TMTC2: variants seen among roughly 807,000 people sequenced by gnomAD.
TMTC2 encodes the protein protein O-mannosyl-transferase TMTC2.
A neutral mutation model predicts 82.4 loss-of-function variants in TMTC2; 43 were observed. The ratio of observed to expected loss-of-function variants is 0.52; its 90% CI spans 0.41 to 0.67. TMTC2 has a LOEUF of 0.67. TMTC2 is among the 30% of genes least tolerant of loss of function. The probability of loss-of-function intolerance (pLI) is 0.00; values close to 1 mark genes in which losing one functional copy is unlikely to be tolerated. For synonymous variants in TMTC2, 408 were observed against 381.9 expected, an observed-to-expected ratio of 1.07 and a Z score of -0.80; for missense variants, 919 against 1,012.4, an observed-to-expected ratio of 0.91 and a Z score of 1.25.
intron 1 of TMTC2, among the ~76,000 whole-genome samples, chr12:82,846,616 T>C (rs902708604): frequency 6.6e-6 from 1 of 152,006 alleles, no homozygotes; most frequent in African/African-American, 2.4e-5. Flanking sequence ...TCGGAAAAAC[T>C]CGTAAAGGGA....
At chr12:82,885,318 T>A (rs2137161907) in intron 2 of TMTC2, among the ~76,000 whole-genome samples, 1 of 152,064 alleles carries the variant, frequency 6.6e-6, no homozygotes, top group East Asian at 1.9e-4. Context: ...GGGAATAAGT[T>A]TTTTTTAATT....
At position 83,052,177 on chromosome 12, in the gene TMTC2, A is replaced by G. The variant is rs899980571; in HGVS notation, c.2267+1159A>G. 1.8e-4 allele frequency among the ~76,000 whole-genome samples: 27 copies of G among 152,122 alleles called. 1 individual carries two copies. The highest frequency in any genetic ancestry group is 6.6e-5 in the Admixed American group (1 of 15,264). On this transcript the variant is annotated intron_variant, in intron 10 of 11. Coordinates refer to ENST00000321196, the MANE Select transcript of TMTC2 (RefSeq NM_152588.3). ...ATAATAACAGAGAAGTTGGTTCACA[A>G]TTGGATGGTGACATCCAATTTTTAA... is the stretch of plus-strand genomic sequence containing the variant.
chr12:82,735,230 CA>C (rs1254247155), intron 1 of TMTC2, among the ~76,000 whole-genome samples: 2 of 151,942 alleles, frequency 1.3e-5, no homozygotes, highest in Non-Finnish European at 2.9e-5. Flanking sequence ...AAAATAAACC[CA>C]ATATCACAAT....
chr12:82,846,099 C>T (rs1239966892), intron 1 of TMTC2, among the ~76,000 whole-genome samples: 2 of 152,074 alleles, frequency 1.3e-5, no homozygotes, highest in East Asian at 1.9e-4. Flanking sequence ...TGGCTCACGC[C>T]TGTAATCCCA....
In TMTC2 at chr12:82,956,170, A is replaced by C. The variant is rs192961896; in HGVS notation, c.1599-8854A>C. On this transcript the variant is annotated intron_variant, in intron 4 of 11. Transcript: ENST00000321196. Reference sequence around the variant, plus strand: ...ACAGACCCTATAAAACAACCACACAATAGAAACTACAAAGCAACAAACTAG... The same window carrying C: ...ACAGACCCTATAAAACAACCACACACTAGAAACTACAAAGCAACAAACTAG... Among the ~76,000 whole-genome samples, 574 of 152,290 alleles carry C rather than the reference A, an allele frequency of 3.8e-3. 7 individuals carry two copies. The highest frequency in any genetic ancestry group is 0.013 in the African/African-American group (559 of 41,556).
chr12:83,038,777 G>A (rs2137435867), intron 9 of TMTC2, among the ~76,000 whole-genome samples: 1 of 152,202 alleles, frequency 6.6e-6, no homozygotes, highest in Admixed American at 6.5e-5. Flanking sequence ...AGAATGTTTA[G>A]AATGGATGTA....
intron 1 of TMTC2, among the ~76,000 whole-genome samples, chr12:82,716,976 A>G (rs560777433): frequency 1.2e-4 from 19 of 152,332 alleles, no homozygotes; most frequent in African/African-American, 4.6e-4. Context: ...CTGGTCCTGT[A>G]GAAATAAAAC....
chr12:82,924,544 A>G (rs1254158960), intron 3 of TMTC2, among the ~76,000 whole-genome samples: 2 of 152,206 alleles, frequency 1.3e-5, no homozygotes, highest in African/African-American at 4.8e-5. Flanking sequence ...ATCTAGGGCA[A>G]TTACTTAATC....
chr12:82,831,620 T>C (rs775873937), intron 1 of TMTC2, among the ~76,000 whole-genome samples: 4 of 152,176 alleles, frequency 2.6e-5, no homozygotes, highest in Non-Finnish European at 4.4e-5. Flanking sequence ...GTTGATGCTG[T>C]TGTATTTTTC....
chr12:82,831,573 T>G (rs188696492), intron 1 of TMTC2, among the ~76,000 whole-genome samples: 163 of 152,262 alleles, frequency 1.1e-3, no homozygotes, highest in African/African-American at 3.6e-3. Flanking sequence ...GGAGGTTTCT[T>G]CTTGTGGGTG....
intron 1 of TMTC2, among the ~76,000 whole-genome samples, chr12:82,718,668 C>T (rs1874014833): frequency 1.3e-5 from 2 of 152,128 alleles, no homozygotes; most frequent in Non-Finnish European, 2.9e-5. Context: ...CCATTTTTGC[C>T]TGCTAAGAAT....
intron 1 of TMTC2, among the ~76,000 whole-genome samples, chr12:82,851,384 C>G (rs12314480): frequency 6.6e-6 from 1 of 152,136 alleles, no homozygotes; most frequent in Non-Finnish European, 1.5e-5. Context: ...CCACTGCACT[C>G]CAGCCTGGGC....
At chr12:82,747,211 A>G (rs1220695054) in intron 1 of TMTC2, among the ~76,000 whole-genome samples, 2 of 152,244 alleles carry the variant, frequency 1.3e-5, no homozygotes, top group Non-Finnish European at 2.9e-5. Context: ...ACCAGGATAT[A>G]TGAGAGGTGC....
At chr12:83,080,903 C>T (rs1384382584) in intron 11 of TMTC2, among the ~76,000 whole-genome samples, 1 of 152,064 alleles carries the variant, frequency 6.6e-6, no homozygotes, top group African/African-American at 2.4e-5. Context: ...GTTGGAGAAA[C>T]AACACTGGAA....
chr12:82,892,034 C>G (rs1382151786), intron 2 of TMTC2, among the ~76,000 whole-genome samples: 1 of 152,078 alleles, frequency 6.6e-6, no homozygotes, highest in Non-Finnish European at 1.5e-5. Context: ...CCACTGCACT[C>G]CAGCCTGGGT....
At chr12:82,774,270 T>C (rs1352379276) in intron 1 of TMTC2, among the ~76,000 whole-genome samples, 2 of 152,152 alleles carry the variant, frequency 1.3e-5, no homozygotes, top group Non-Finnish European at 2.9e-5. Context: ...TGTATATATA[T>C]GGTGCCAAAA....
intron 4 of TMTC2, among the ~76,000 whole-genome samples, chr12:82,943,890 G>T (rs1177328960): frequency 6.6e-6 from 1 of 152,284 alleles, no homozygotes; most frequent in South Asian, 2.1e-4. Context: ...TGTAAAAATA[G>T]AATGTTATGT....
rs1555204079 is a variant in TMTC2, at chr12:82,997,412, G to GTATATATATATATGTGTA, written c.2070+11379_2070+11380insGTGTATATATATATATAT. On this transcript the variant is annotated intron_variant, in intron 8 of 11. Transcript: ENST00000321196. ...TATATATATGTGTATATATATATGT[G>GTATATATATATATGTGTA]TATATATATATATATACACACAGAG... Among the ~76,000 whole-genome samples, 27 of 35,232 alleles carry GTATATATATATATGTGTA rather than the reference G, an allele frequency of 7.7e-4. 1 individual carries two copies. The highest frequency in any genetic ancestry group is 2.2e-3 in the South Asian group (1 of 452). 23.1% of individuals were successfully genotyped at this position (35,232 alleles called of 152,430 possible). A position where few individuals can be genotyped will look rare whatever the true frequency, so the allele number is the denominator to read the frequency against.
chr12:82,730,505 C>T (rs1482174110), intron 1 of TMTC2, among the ~76,000 whole-genome samples: 1 of 152,060 alleles, frequency 6.6e-6, no homozygotes, highest in African/African-American at 2.4e-5. Flanking sequence ...CTTCTATGTC[C>T]ACTTTAAACA....
Sources: gnomAD v4.1 joint callset for allele counts (sites outside exome capture counted in the v4.1 genomes callset) on GRCh38, gnomAD v4.1.1 for gene constraint, MANE v1.5 for transcripts, NCBI Gene and HGNC (gene_info 2026-07-23, HGNC 2026-07-21) for gene names.